CAMSAP1: variants seen among roughly 807,000 people sequenced by gnomAD.
The protein encoded by CAMSAP1 is calmodulin regulated spectrin associated protein 1, also known as calmodulin-regulated spectrin-associated protein 1.
In CAMSAP1, 58 loss-of-function variants were observed where a neutral mutation model predicts 143.5. The ratio of observed to expected loss-of-function variants is 0.40; its 90% CI spans 0.33 to 0.50. The LOEUF (loss-of-function observed/expected upper bound fraction) is 0.50. Ranked by LOEUF, CAMSAP1 falls within the 20% of genes least tolerant of loss-of-function variation. The pLI is 0.45. For synonymous variants in CAMSAP1, 945 were observed against 859.3 expected, an observed-to-expected ratio of 1.10 and a Z score of -1.74; for missense variants, 1,969 against 2,115.7, an observed-to-expected ratio of 0.93 and a Z score of 1.36.
intron 1 of CAMSAP1, among the ~76,000 whole-genome samples, chr9:135,900,421 C>T (rs560748557): frequency 5.9e-5 from 9 of 152,118 alleles, no homozygotes; most frequent in Admixed American, 2.0e-4. Flanking sequence ...GGGCCGGGCA[C>T]GGTGGCTCAC....
Position 135,818,952 on chromosome 9 carries a change from C to T in CAMSAP1, c.3959+58G>A. On this transcript the variant is annotated intron_variant, in intron 12 of 16. Transcript: ENST00000389532. The surrounding 1 kb of genome is among the most constrained non-coding windows in gnomAD (Gnocchi z 7.7). ...TCAGTGCCAGCAACGGGACCGGGGC[C>T]GCCAGGGACCCACCAGGCTCCTGCT... 5 of 1,580,270 alleles carry T rather than the reference C, an allele frequency of 3.2e-6. No individual in the cohort carries two copies. Among genetic ancestry groups the T allele is most frequent in the East Asian group, 4.6e-5 (2 of 43,444 alleles).
At chr9:135,900,555 C>T (rs1363740412) in intron 1 of CAMSAP1, among the ~76,000 whole-genome samples, 5 of 151,538 alleles carry the variant, frequency 3.3e-5, no homozygotes, top group Admixed American at 2.6e-4. Context: ...ATTAGCCGGG[C>T]GTTGTGGCAA....
chr9:135,885,066 G>C (rs1838080424), intron 1 of CAMSAP1, among the ~76,000 whole-genome samples: 1 of 152,142 alleles, frequency 6.6e-6, no homozygotes, highest in Admixed American at 6.5e-5. Flanking sequence ...CCTAGTCAGG[G>C]CTCTTGGAGG....
At chr9:135,879,396 C>A (rs1837858589) in intron 3 of CAMSAP1, among the ~76,000 whole-genome samples, 1 of 151,984 alleles carries the variant, frequency 6.6e-6, no homozygotes, top group Non-Finnish European at 1.5e-5. Context: ...AAGAAACATA[C>A]CCTCTTGCCC....
rs1236924336 is a variant in CAMSAP1 at position 135,820,429 on chromosome 9, T to G, written c.3822+410A>C. Among the ~76,000 whole-genome samples, 5 of 151,992 alleles carry G rather than the reference T, an allele frequency of 3.3e-5. No individual in the cohort carries two copies. Among genetic ancestry groups the G allele is most frequent in the Non-Finnish European group, 5.9e-5 (4 of 67,978 alleles). On this transcript the variant is annotated intron_variant, in intron 11 of 16. Transcript: ENST00000389532. The surrounding 1 kb of genome is among the most constrained non-coding windows in gnomAD (Gnocchi z 4.4). The stretch of plus-strand genomic sequence containing the variant: ...TTTTTTGAAGTTGCTATATCAGAGG[T>G]TGGCAAACTTCAGCCCACAGGCCAG...
chr9:135,860,597 CAA>C (rs35415924), intron 5 of CAMSAP1, among the ~76,000 whole-genome samples: 91 of 62,028 alleles, frequency 1.5e-3, no homozygotes, highest in African/African-American at 3.7e-3. Context: ...GACTCTGCCT[CAA>C]AAAAAAAAAA....
chr9:135,867,807 C>T (rs1300539532), intron 3 of CAMSAP1, among the ~76,000 whole-genome samples: 1 of 152,088 alleles, frequency 6.6e-6, no homozygotes, highest in Non-Finnish European at 1.5e-5. Flanking sequence ...AGAGGGGAAC[C>T]CTGTAAGCAA....
At chr9:135,904,794 G>A (rs1053661722) in intron 1 of CAMSAP1, among the ~76,000 whole-genome samples, 1 of 152,178 alleles carries the variant, frequency 6.6e-6, no homozygotes, top group African/African-American at 2.4e-5. Context: ...GGAGTAACCC[G>A]TCTCTACGAA....
intron 7 of CAMSAP1, among the ~76,000 whole-genome samples, chr9:135,838,878 G>A (rs1020141853): frequency 2.1e-5 from 3 of 143,812 alleles, no homozygotes; most frequent in Non-Finnish European, 3.0e-5. Flanking sequence ...CGTTCGCCAC[G>A]TACCTTCTAC....
intron 7 of CAMSAP1, among the ~76,000 whole-genome samples, chr9:135,833,848 CAAAGG>C (rs967027906): frequency 6.6e-6 from 1 of 152,154 alleles, no homozygotes; most frequent in African/African-American, 2.4e-5. Flanking sequence ...TTCTGCAAAG[CAAAGG>C]AAACAAACAA....
chr9:135,885,561 A>G (rs570590562), intron 1 of CAMSAP1, among the ~76,000 whole-genome samples: 1 of 152,298 alleles, frequency 6.6e-6, no homozygotes, highest in African/African-American at 2.4e-5. Context: ...GGCAGAGCCT[A>G]CCTCACAGAT....
At chr9:135,887,108 G>A (rs1012280455) in intron 1 of CAMSAP1, among the ~76,000 whole-genome samples, 1 of 152,184 alleles carries the variant, frequency 6.6e-6, no homozygotes, top group Admixed American at 6.5e-5. Context: ...ATGCCCAGGG[G>A]GACGAGTCAT....
intron 1 of CAMSAP1, among the ~76,000 whole-genome samples, chr9:135,894,743 A>C (rs944740143): frequency 6.6e-6 from 1 of 152,250 alleles, no homozygotes; most frequent in Non-Finnish European, 1.5e-5. Flanking sequence ...CTAACAAAAT[A>C]GACAAAATGA....
intron 3 of CAMSAP1, among the ~76,000 whole-genome samples, chr9:135,867,477 C>CCCCCT (rs762998180): frequency 7.2e-6 from 1 of 139,524 alleles, no homozygotes; most frequent in African/African-American, 2.7e-5. Context: ...AGACCCCCCT[C>CCCCCT]TTTTTTTTTT....
At chr9:135,863,391 C>T (rs974701136) in intron 4 of CAMSAP1, among the ~76,000 whole-genome samples, 2 of 152,208 alleles carry the variant, frequency 1.3e-5, no homozygotes, top group East Asian at 3.8e-4. Flanking sequence ...GCCTGCAGTA[C>T]ACTGGTGTTT....
intron 4 of CAMSAP1, among the ~76,000 whole-genome samples, chr9:135,864,456 C>G (rs114858432): frequency 0.011 from 1,737 of 152,252 alleles, 30 homozygotes; most frequent in African/African-American, 0.04. Flanking sequence ...GCTATCGCCT[C>G]GAGGATGGAC....
intron 1 of CAMSAP1, among the ~76,000 whole-genome samples, chr9:135,903,306 C>T (rs971657522): frequency 7.2e-5 from 11 of 152,234 alleles, no homozygotes; most frequent in Admixed American, 7.2e-4. Context: ...TTTAAGCGGA[C>T]AATTTTCAAC....
intron 3 of CAMSAP1, among the ~76,000 whole-genome samples, chr9:135,875,767 T>C (rs1357017352): frequency 6.6e-6 from 1 of 152,158 alleles, no homozygotes; most frequent in Non-Finnish European, 1.5e-5. Flanking sequence ...TTCCCTCATA[T>C]CATTCATAAA....
rs879021241 is a variant in CAMSAP1 at position 135,873,335 on chromosome 9, G to A, written c.586-6799C>T. Among the ~76,000 whole-genome samples the A allele has an allele frequency of 2.6e-5, 4 of 152,292 alleles. No individual in the cohort carries two copies. The East Asian group carries it at 5.8e-4, about 22-fold the overall frequency. On this transcript the variant is annotated intron_variant, in intron 3 of 16. Coordinates refer to ENST00000389532, the MANE Select transcript of CAMSAP1 (RefSeq NM_015447.4). ...ATGCACGGCTGAAGTGCCGCTTAGAGAGGAATCGACAGCTTTAAATACCTG... is the reference window on the plus strand; with the variant it reads ...ATGCACGGCTGAAGTGCCGCTTAGAAAGGAATCGACAGCTTTAAATACCTG...
Sources: allele counts gnomAD v4.1 joint callset (sites outside exome capture counted in the v4.1 genomes callset), GRCh38; gene constraint gnomAD v4.1.1; non-coding constraint Gnocchi (gnomAD v3.1); transcripts MANE v1.5; gene names NCBI Gene and HGNC (gene_info 2026-07-23, HGNC 2026-07-21).